The following CENPK variants were observed in gnomAD, a reference collection of about 807,000 sequenced individuals.
CENPK encodes SoxLZ/Sox6-binding protein Solt.
In CENPK, 46 loss-of-function variants were observed where a neutral mutation model predicts 40.9. The ratio of observed to expected loss-of-function variants is 1.13; its 90% CI spans 0.89 to 1.44. The LOEUF is 1.44. Among genes scored for constraint, CENPK ranks in the 40% most tolerant of loss-of-function variants. The probability of loss-of-function intolerance (pLI) is 0.00; values close to 1 mark genes in which losing one functional copy is unlikely to be tolerated. For missense variants in CENPK, 288 were observed against 303.5 expected, an observed-to-expected ratio of 0.95 and a Z score of 0.38; for synonymous variants, 107 against 104.4, an observed-to-expected ratio of 1.02 and a Z score of -0.15.
intron 6 of CENPK, among the ~76,000 whole-genome samples, chr5:65,538,621 A>G (rs1747385046): frequency 6.6e-6 from 1 of 152,136 alleles, no homozygotes. Context: ...TTTATTTTTC[A>G]TAAATAAAAT....
At chr5:65,512,150 A>C in the CENPK span, among the ~76,000 whole-genome samples, 2 of 152,244 alleles carry the variant, frequency 1.3e-5, no homozygotes, top group African/African-American at 2.4e-5. Flanking sequence ...CAACTTGAAC[A>C]GATGAGGAGT....
chr5:65,523,140 T>C (rs993549471), intron 9 of CENPK, among the ~76,000 whole-genome samples: 5 of 152,226 alleles, frequency 3.3e-5, no homozygotes, highest in Non-Finnish European at 7.3e-5. Flanking sequence ...TTTGTCTTAG[T>C]TCCTAACTAG....
At chr5:65,526,268 G>T (rs1744694412) in intron 9 of CENPK, among the ~76,000 whole-genome samples, 1 of 152,082 alleles carries the variant, frequency 6.6e-6, no homozygotes. Context: ...GTGAGTTGTT[G>T]CAAGATTAAG....
chr5:65,551,683 T>C, intron 4 of CENPK, 47 bp from the exon 5 acceptor site: 1 of 1,000,870 alleles, frequency 1.0e-6, no homozygotes, highest in Non-Finnish European at 1.5e-6. Context: ...TATTCATACC[T>C]ATTCATAGAT....
chr5:65,519,542 C>T (rs1047128541), intron 10 of CENPK, among the ~76,000 whole-genome samples: 1 of 152,156 alleles, frequency 6.6e-6, no homozygotes. Context: ...TTGGATTAGA[C>T]TCCGTATCTC....
intron 9 of CENPK, among the ~76,000 whole-genome samples, chr5:65,527,066 C>T: frequency 6.6e-6 from 1 of 151,852 alleles, no homozygotes; most frequent in Non-Finnish European, 1.5e-5. Context: ...CATTGCACTC[C>T]AGCCTGGGTG....
chr5:65,553,375 C>T (rs942985316), intron 3 of CENPK, among the ~76,000 whole-genome samples: 1 of 150,976 alleles, frequency 6.6e-6, no homozygotes, highest in Non-Finnish European at 1.5e-5. Context: ...AAAAAGAAAT[C>T]GAAATCCATA....
chr5:65,522,352 AT>A (rs774421601), intron 9 of CENPK, among the ~76,000 whole-genome samples: 10 of 152,172 alleles, frequency 6.6e-5, no homozygotes, highest in Non-Finnish European at 1.2e-4. Flanking sequence ...TTCCTCAAAT[AT>A]TTGAAGACTG....
intron 1 of CENPK, among the ~76,000 whole-genome samples, chr5:65,562,482 C>A (rs1752182353): frequency 6.6e-6 from 1 of 152,002 alleles, no homozygotes; most frequent in African/African-American, 2.4e-5. Flanking sequence ...AAGAGATTTA[C>A]GACGAGGATT....
intron 10 of CENPK, among the ~76,000 whole-genome samples, chr5:65,519,265 T>C (rs1743266851): frequency 6.6e-6 from 1 of 152,226 alleles, no homozygotes; most frequent in African/African-American, 2.4e-5. Flanking sequence ...CAAGGTTCTG[T>C]GATCAAACAA....
At chr5:65,556,746 C>A (rs1292591683) in intron 2 of CENPK, among the ~76,000 whole-genome samples, 1 of 152,194 alleles carries the variant, frequency 6.6e-6, no homozygotes, top group African/African-American at 2.4e-5. Flanking sequence ...TCATCTAGAG[C>A]AACTTCTAGT....
rs1049993879 is a variant in CENPK, at chr5:65,521,617, TGAGACA to T, written c.598-95_598-90del. 67 of 904,692 alleles carry T rather than the reference TGAGACA, an allele frequency of 7.4e-5. No individual in the cohort carries two copies. In the African/African-American group the frequency reaches 1.0e-3, roughly 14 times the overall value. The allele number at this position is 904,692 out of a possible 1,614,324, so 56.0% of individuals were successfully genotyped here. A position where few individuals can be genotyped will look rare whatever the true frequency, so the allele number is the denominator to read the frequency against. ...ACTGTTTTTATAAGACTTTTATTTC[TGAGACA>T]GAGTTTCATTCTTGGCGCCCAGGCT... On this transcript the variant is annotated intron_variant, in intron 9 of 10. Coordinates refer to ENST00000396679, the MANE Select transcript of CENPK (RefSeq NM_022145.5).
chr5:65,540,707 T>G lies in CENPK; in HGVS notation c.288+2095A>C, dbSNP rs183035879. On this transcript the variant is annotated intron_variant, in intron 6 of 10. Coordinates refer to ENST00000396679, the MANE Select transcript of CENPK (RefSeq NM_022145.5). The stretch of plus-strand genomic sequence containing the variant: ...TTCTAGATAGCTGAACACAGGCAAG[T>G]TTCTGGAGAGTACCATGTCCAGAGA... Among the ~76,000 whole-genome samples, 209 of 152,258 alleles carry G rather than the reference T, an allele frequency of 1.4e-3. 2 individuals are homozygous for G. The highest frequency in any genetic ancestry group is 4.8e-3 in the African/African-American group (199 of 41,540).
At chr5:65,512,855 A>G (rs1742622992), downstream of CENPK, among the ~76,000 whole-genome samples, 1 of 152,196 alleles carries the variant, frequency 6.6e-6, no homozygotes. Flanking sequence ...CTTTGGTATT[A>G]TATTTTAATT....
At chr5:65,515,204 A>ATTTTT (rs1554102335), downstream of CENPK, among the ~76,000 whole-genome samples, 3 of 124,056 alleles carry the variant, frequency 2.4e-5, no homozygotes, top group Admixed American at 9.1e-5. Flanking sequence ...TCTCAAAAAA[A>ATTTTT]TTTTTTTTTT....
At chr5:65,561,414 T>C (rs1751936802) in intron 2 of CENPK, 49 bp downstream of exon 2, 1 of 398,228 alleles carries the variant, frequency 2.5e-6, no homozygotes, top group South Asian at 1.7e-5. Context: ...CGATTTAATG[T>C]GGCAGTAGAA....
chr5:65,497,052 C>T, the CENPK span, among the ~76,000 whole-genome samples: 2 of 151,464 alleles, frequency 1.3e-5, no homozygotes, highest in African/African-American at 4.9e-5. Flanking sequence ...AGTGAGACTC[C>T]GTCTCCAAAA....
At chr5:65,500,765 C>A in the CENPK span, among the ~76,000 whole-genome samples, 2 of 152,134 alleles carry the variant, frequency 1.3e-5, no homozygotes, top group Non-Finnish European at 2.9e-5. Context: ...TGGGTTCAAG[C>A]AATTCTCCTG....
the CENPK span, among the ~76,000 whole-genome samples, chr5:65,504,613 T>C: frequency 2.0e-5 from 3 of 152,328 alleles, no homozygotes; most frequent in East Asian, 5.8e-4. Flanking sequence ...TTTCCCACTA[T>C]GAATAGGCTA....
Sources: gnomAD v4.1 joint callset for allele counts (sites outside exome capture counted in the v4.1 genomes callset) on GRCh38, gnomAD v4.1.1 for gene constraint, MANE v1.5 for transcripts, NCBI Gene and HGNC (gene_info 2026-07-23, HGNC 2026-07-21) for gene names.